Variants in GCNT2 observed in about 807,000 individuals in gnomAD.
GCNT2 encodes the protein N-acetyllactosaminide beta-1,6-N-acetylglucosaminyl-transferase.
A neutral mutation model predicts 34.2 loss-of-function variants in GCNT2; 34 were observed. The observed-to-expected ratio is 1.00, with a 90% CI of 0.76 to 1.32. The LOEUF is 1.32. GCNT2 is among the 40% of genes most tolerant of loss of function. GCNT2 has a pLI of 0.00. For synonymous variants in GCNT2, 212 were observed against 188.0 expected, an observed-to-expected ratio of 1.13 and a Z score of -1.04; for missense variants, 584 against 489.4, an observed-to-expected ratio of 1.19 and a Z score of -1.82.
At chr6:10,556,210 G>A in intron 3 of GCNT2, 1 of 1,427,362 alleles carries the variant, frequency 7.0e-7, no homozygotes, top group Non-Finnish European at 9.1e-7. Flanking sequence ...AAACAAAGGA[G>A]GTTTGAGAGA....
intron 4 of GCNT2, 90 bp downstream of exon 4, chr6:10,621,533 A>G (rs1766037196): frequency 1.2e-6 from 1 of 801,524 alleles, no homozygotes; most frequent in African/African-American, 1.7e-5. Flanking sequence ...TGGAGAGAGA[A>G]TTGCTGCTAT....
At chr6:10,610,619 A>G (rs1285457781) in intron 3 of GCNT2, among the ~76,000 whole-genome samples, 1 of 152,196 alleles carries the variant, frequency 6.6e-6, no homozygotes, top group Non-Finnish European at 1.5e-5. Context: ...TGAAGATATT[A>G]ATAAATATAA....
rs539924611 is a variant in GCNT2 at position 10,560,328 on chromosome 6, C to T, written c.925+30492C>T. ...GTAGTCTCGAATTCCTGAGCTCAGG[C>T]GATCCGCCCACCTCGGCCTCCCAAA... On this transcript the variant is annotated intron_variant, in intron 3 of 4. Transcript: ENST00000495262. Among the ~76,000 whole-genome samples, 171 of 152,164 alleles carry T rather than the reference C, an allele frequency of 1.1e-3. 1 individual carries two copies. The highest frequency in any genetic ancestry group is 9.1e-3 in the South Asian group (44 of 4,810).
At chr6:10,605,771 A>G (rs950790489) in intron 3 of GCNT2, among the ~76,000 whole-genome samples, 5 of 151,870 alleles carry the variant, frequency 3.3e-5, no homozygotes, top group Admixed American at 2.6e-4. Context: ...TTTGTAAAAG[A>G]AAAAAAAATC....
Position 10,563,276 on chromosome 6 carries a change from A to G in GCNT2, c.925+33440A>G, listed in dbSNP as rs186604385. On this transcript the variant is annotated intron_variant, in intron 3 of 4. Coordinates refer to ENST00000495262, the MANE Select transcript of GCNT2 (RefSeq NM_145649.5). ...CATTTGTACAATTTTAACTGACCTA[A>G]CCGTACCCTTTTCTCTCATAAAAAC... Among the ~76,000 whole-genome samples the G allele has an allele frequency of 1.7e-4, 26 of 152,304 alleles. No homozygotes were observed. In the East Asian group the frequency reaches 5.0e-3, roughly 29 times the overall value.
chr6:10,598,321 A>G (rs1210523999), intron 3 of GCNT2, among the ~76,000 whole-genome samples: 1 of 152,176 alleles, frequency 6.6e-6, no homozygotes. Flanking sequence ...CTATGGGGGT[A>G]TATCTCCCCT....
chr6:10,560,345 C>T (rs1441329412), intron 3 of GCNT2, among the ~76,000 whole-genome samples: 3 of 152,166 alleles, frequency 2.0e-5, no homozygotes, highest in Non-Finnish European at 4.4e-5. Flanking sequence ...CCCACCTCGG[C>T]CTCCCAAAGT....
intron 1 of GCNT2, among the ~76,000 whole-genome samples, chr6:10,525,114 C>CT (rs1761124530): frequency 1.3e-5 from 2 of 152,092 alleles, no homozygotes; most frequent in African/African-American, 4.8e-5. Context: ...AAAGGAACCC[C>CT]TTTTTTTCTG....
intron 3 of GCNT2, among the ~76,000 whole-genome samples, chr6:10,590,116 G>C (rs894645114): frequency 3.3e-5 from 5 of 152,152 alleles, no homozygotes; most frequent in Non-Finnish European, 7.4e-5. Context: ...CTTAAGGCTT[G>C]GCCGGGCAAG....
intron 3 of GCNT2, among the ~76,000 whole-genome samples, chr6:10,565,754 TC>T (rs1223968658): frequency 3.9e-5 from 6 of 152,020 alleles, no homozygotes; most frequent in African/African-American, 1.4e-4. Flanking sequence ...ATAGTATCGC[TC>T]CCCCGTGACA....
At chr6:10,582,500 T>A (rs1764163157) in intron 3 of GCNT2, among the ~76,000 whole-genome samples, 1 of 125,908 alleles carries the variant, frequency 7.9e-6, no homozygotes, top group Non-Finnish European at 1.6e-5. Flanking sequence ...TAATATATAA[T>A]ATAATACATC....
intron 3 of GCNT2, among the ~76,000 whole-genome samples, chr6:10,572,514 T>C (rs1226002): frequency 0.66 from 100,334 of 151,994 alleles, 33,232 homozygotes; most frequent in Middle Eastern, 0.72. Flanking sequence ...AGGCGGATCA[T>C]GAAGTCAGGA....
chr6:10,602,872 C>T (rs1765142363), intron 3 of GCNT2, among the ~76,000 whole-genome samples: 1 of 152,168 alleles, frequency 6.6e-6, no homozygotes, highest in Admixed American at 6.5e-5. Context: ...ACAAACAAAA[C>T]AGTTCAGGGC....
intron 3 of GCNT2, among the ~76,000 whole-genome samples, chr6:10,549,949 C>G (rs745806430): frequency 1.4e-4 from 22 of 152,164 alleles, no homozygotes; most frequent in South Asian, 2.1e-4. Flanking sequence ...CCCACTACTA[C>G]CACCAATTAG....
chr6:10,591,347 G>T (rs537819715), intron 3 of GCNT2, among the ~76,000 whole-genome samples: 1 of 152,338 alleles, frequency 6.6e-6, no homozygotes, highest in East Asian at 1.9e-4. Flanking sequence ...CTGTACCTAG[G>T]ATGGGGGATA....
chr6:10,580,627 AG>A (rs1369906260), intron 3 of GCNT2, among the ~76,000 whole-genome samples: 1 of 151,512 alleles, frequency 6.6e-6, no homozygotes, highest in East Asian at 1.9e-4. Flanking sequence ...AAAAAAAAAA[AG>A]ATTCAATAGC....
chr6:10,596,653 C>T (rs1165181385), intron 3 of GCNT2, among the ~76,000 whole-genome samples: 1 of 151,656 alleles, frequency 6.6e-6, no homozygotes, highest in African/African-American at 2.4e-5. Context: ...GTGGGGTACA[C>T]TGTTTCCTGT....
chr6:10,527,875 TAAAA>T (rs761168993), intron 2 of GCNT2, among the ~76,000 whole-genome samples: 3 of 150,800 alleles, frequency 2.0e-5, no homozygotes, highest in Non-Finnish European at 4.4e-5. Flanking sequence ...TTTTACAGAT[TAAAA>T]AAAAAGCCTC....
intron 3 of GCNT2, among the ~76,000 whole-genome samples, chr6:10,532,914 C>CTTTTTTTTTTTT (rs67442555): frequency 3.5e-5 from 3 of 85,408 alleles, no homozygotes; most frequent in Non-Finnish European, 6.7e-5. Context: ...GTGGTTTTTG[C>CTTTTTTTTTTTT]TTTTTTTTTT....
Sources: allele counts gnomAD v4.1 joint callset (sites outside exome capture counted in the v4.1 genomes callset), GRCh38; gene constraint gnomAD v4.1.1; transcripts MANE v1.5; gene names NCBI Gene and HGNC (gene_info 2026-07-23, HGNC 2026-07-21).